The following FXN variants were observed in gnomAD, a reference collection of about 807,000 sequenced individuals.
FXN encodes the protein frataxin, mitochondrial.
Under a neutral mutation model 22.4 loss-of-function variants are expected in FXN, and 14 were observed. That is an observed-to-expected ratio of 0.62 (90% confidence interval 0.41 to 0.98). The LOEUF (loss-of-function observed/expected upper bound fraction) is 0.98. FXN is among the 50% of genes least tolerant of loss of function. The pLI, the probability that FXN is intolerant of heterozygous loss-of-function variation, is 0.00. For synonymous variants in FXN, 120 were observed against 114.1 expected (o/e 1.05, Z -0.33); for missense variants, 267 against 268.4 (o/e 0.99, Z 0.04).
At chr9:69,042,968 C>T (rs1387435237) in intron 1 of FXN, among the ~76,000 whole-genome samples, 6 of 152,164 alleles carry the variant, frequency 3.9e-5, no homozygotes, top group African/African-American at 9.7e-5. Flanking sequence ...CCCTTTGGTG[C>T]GTCAGTTTCC....
At chr9:69,053,965 G>C (rs1044600176) in intron 3 of FXN, among the ~76,000 whole-genome samples, 2 of 152,090 alleles carry the variant, frequency 1.3e-5, no homozygotes, top group Admixed American at 1.3e-4. Context: ...AGGGCACTGG[G>C]ATTTTTAAGC....
intron 4 of FXN, among the ~76,000 whole-genome samples, chr9:69,067,627 A>G (rs1450408654): frequency 6.6e-6 from 1 of 152,216 alleles, no homozygotes; most frequent in Non-Finnish European, 1.5e-5. Context: ...CAACAACAAC[A>G]ACAAAAACAT....
At position 69,074,821 on chromosome 9, in the gene FXN, T is replaced by C; in HGVS notation, c.*2059T>C. ...AATATTTTTTCTGAAATAAAATTATTTTTTGAGTCTGATGGAAATGTTTAA... is the reference window on the plus strand; with the variant it reads ...AATATTTTTTCTGAAATAAAATTATCTTTTGAGTCTGATGGAAATGTTTAA... On this transcript the variant is annotated 3_prime_UTR_variant, in exon 5 of 5. Coordinates refer to ENST00000484259, the MANE Select transcript of FXN (RefSeq NM_000144.5). 2 of 967,832 alleles carry C rather than the reference T, an allele frequency of 2.1e-6. No homozygotes were observed. Among genetic ancestry groups the C allele is most frequent in the Non-Finnish European group, 2.5e-6 (2 of 813,880 alleles). 60.0% of individuals were successfully genotyped at this position (967,832 alleles called of 1,614,324 possible).
chr9:69,060,813 A>G (rs1832057570), intron 3 of FXN, among the ~76,000 whole-genome samples: 1 of 152,236 alleles, frequency 6.6e-6, no homozygotes, highest in African/African-American at 2.4e-5. Context: ...TTGGTCATTC[A>G]TTCACAAATG....
chr9:69,045,302 C>G (rs1831729156), intron 1 of FXN, among the ~76,000 whole-genome samples: 1 of 152,010 alleles, frequency 6.6e-6, no homozygotes, highest in Non-Finnish European at 1.5e-5. Context: ...AAGAAATATT[C>G]CTAAAATACT....
Position 69,035,944 on chromosome 9 carries a change from C to T in FXN, c.162C>T (p.Arg54=), listed in dbSNP as rs370984034. The change falls in exon 1 of 5, where the codon CGC becomes CGT. Residue 54 remains arginine, a synonymous_variant. Transcript: ENST00000484259. ...TCGATGCGACCTGCACGCCCCGCCG[C>T]GCAGTAAGTATCCGCGCCGGGAACA... ...TDIDATCTPR[R]ASSNQRGLNQ... The T allele has an allele frequency of 5.5e-5, 81 of 1,467,090 alleles. 2 individuals are homozygous for T. The highest frequency in any genetic ancestry group is 4.6e-4 in the African/African-American group (31 of 68,098). The allele number at this position is 1,467,090 out of a possible 1,614,324, so 90.9% of individuals were successfully genotyped here. A position where few individuals can be genotyped will look rare whatever the true frequency, so the allele number is the denominator to read the frequency against.
Position 69,072,716 on chromosome 9 carries a change from C to T in FXN, c.587C>T (p.Thr196Ile). 3.1e-6 allele frequency: 5 copies of T among 1,614,226 alleles called. No individual in the cohort carries two copies. Among genetic ancestry groups the T allele is most frequent in the Non-Finnish European group, 4.2e-6 (5 of 1,180,048 alleles). ...LAAELTKALK[T>I]KLDLSSLAYS... ...GCAGAGCTCACTAAAGCCTTAAAAA[C>T]CAAACTGGACTTGTCTTCCTTGGCC... Residue 196 changes from threonine (T) to isoleucine (I), a missense_variant, in exon 5 of 5, where the codon ACC (threonine) becomes ATC (isoleucine). Physicochemically the swap from Thr to Ile is moderately conservative, Grantham distance 89. Transcript: ENST00000484259.
At position 69,078,245 on chromosome 9, in the gene FXN, G is replaced by T. The variant is rs1353722793; in HGVS notation, c.*5483G>T. The T allele has an allele frequency of 2.0e-6, 2 of 985,200 alleles. No homozygotes were observed. The highest frequency in any genetic ancestry group is 2.4e-6 in the Non-Finnish European group (2 of 829,852). The allele number at this position is 985,200 out of a possible 1,614,324, so 61.0% of individuals were successfully genotyped here. A position where few individuals can be genotyped will look rare whatever the true frequency, so the allele number is the denominator to read the frequency against. ...TTATAACTACAATGTGAAGTGAATG[G>T]TGCCACTGACAGTTATGCAAACCGT... On this transcript the variant is annotated 3_prime_UTR_variant, in exon 5 of 5. Coordinates refer to ENST00000484259, the MANE Select transcript of FXN (RefSeq NM_000144.5).
chr9:69,052,351 G>T (rs1831868932), intron 2 of FXN, among the ~76,000 whole-genome samples: 1 of 151,150 alleles, frequency 6.6e-6, no homozygotes, highest in African/African-American at 2.4e-5. Flanking sequence ...ACAGGGTTTT[G>T]CCATATTGGC....
At position 69,075,026 on chromosome 9, in the gene FXN, A is replaced by C. The variant is rs1832341411; in HGVS notation, c.*2264A>C. 1 of 985,434 alleles carries C rather than the reference A, an allele frequency of 1.0e-6. No homozygotes were observed. Among genetic ancestry groups the C allele is most frequent in the African/African-American group, 1.7e-5 (1 of 57,348 alleles). 61.0% of individuals were successfully genotyped at this position (985,434 alleles called of 1,614,324 possible). On this transcript the variant is annotated 3_prime_UTR_variant, in exon 5 of 5. Transcript: ENST00000484259. ...TATGCAGTGGGGCTGCTCTGACATG[A>C]AAGTGGAAGTTAAGGAATCTGGGCT...
rs1228483246 is a variant in FXN, at chr9:69,037,282, A to AG, written c.165+1335_165+1336insG. ...CTACTAAAAAATACAAAAAAAAAAA[A>AG]AAAAGAAGAAGAAGAAGAAGAAAAT... On this transcript the variant is annotated intron_variant, in intron 1 of 4. Coordinates refer to ENST00000484259, the MANE Select transcript of FXN (RefSeq NM_000144.5). Among the ~76,000 whole-genome samples the AG allele has an allele frequency of 1.0e-3, 71 of 70,268 alleles. 1 individual carries two copies. The highest frequency in any genetic ancestry group is 2.0e-3 in the Admixed American group (11 of 5,388). The allele number at this position is 70,268 out of a possible 152,430, so 46.1% of individuals were successfully genotyped here.
In FXN at chr9:69,069,201, TA is replaced by T. The variant is rs1355351355; in HGVS notation, c.483-3406del. ...CAACATAGTGAAACCCTGTCTCTACTAAAAATACAAAAAATTCGCCAGGCAT... is the reference window on the plus strand; with the variant it reads ...CAACATAGTGAAACCCTGTCTCTACTAAAATACAAAAAATTCGCCAGGCAT... On this transcript the variant is annotated intron_variant, in intron 4 of 4. Transcript: ENST00000484259. 7.9e-5 allele frequency among the ~76,000 whole-genome samples: 12 copies of T among 152,174 alleles called. 1 individual carries two copies. The East Asian group carries it at 9.6e-4, about 12-fold the overall frequency.
chr9:69,061,049 G>A (rs1452701581), intron 3 of FXN, among the ~76,000 whole-genome samples: 1 of 152,228 alleles, frequency 6.6e-6, no homozygotes, highest in East Asian at 1.9e-4. Context: ...GTTGACTGCA[G>A]AGAAGGTGCC....
rs1158641731 is a variant in FXN, at chr9:69,073,911, C to T, written c.*1149C>T. The T allele has an allele frequency of 7.1e-5, 70 of 982,844 alleles. No individual in the cohort carries two copies. The highest frequency in any genetic ancestry group is 1.9e-4 in the South Asian group (4 of 21,248). The allele number at this position is 982,844 out of a possible 1,614,324, so 60.9% of individuals were successfully genotyped here. On this transcript the variant is annotated 3_prime_UTR_variant, in exon 5 of 5. Coordinates refer to ENST00000484259, the MANE Select transcript of FXN (RefSeq NM_000144.5). ...AATAATAGCCATCCTTGGCCTGGCG[C>T]GGTGGCTCACACCTGTAATCCCAGC...
chr9:69,067,195 G>T (rs550983274), intron 4 of FXN, among the ~76,000 whole-genome samples: 1 of 152,358 alleles, frequency 6.6e-6, no homozygotes, highest in South Asian at 2.1e-4. Context: ...CAGCCGTCCC[G>T]CTCCGGGCCT....
At chr9:69,040,075 C>T (rs1831628831) in intron 1 of FXN, among the ~76,000 whole-genome samples, 2 of 152,196 alleles carry the variant, frequency 1.3e-5, no homozygotes, top group African/African-American at 2.4e-5. Flanking sequence ...GGCCCCACCT[C>T]TCAATACTGC....
rs118122148 is a variant in FXN at position 69,053,128 on chromosome 9, C to G, written c.264-12C>G. ...TGGTAATCATGTTTTGGGTTTTGTG[C>G]TTCCTCTGCAGCTCTCTAGATGAGA... is the stretch of plus-strand genomic sequence containing the variant. On this transcript the variant is annotated splice_polypyrimidine_tract_variant and intron_variant, in intron 2 of 4. Transcript: ENST00000484259. The G allele has an allele frequency of 2.4e-5, 39 of 1,613,108 alleles. No individual in the cohort carries two copies. Among genetic ancestry groups the G allele is most frequent in the Non-Finnish European group, 3.1e-5 (37 of 1,179,654 alleles).
chr9:69,036,055 C>G, intron 1 of FXN, 108 bp downstream of exon 1: 3 of 987,842 alleles, frequency 3.0e-6, no homozygotes, highest in African/African-American at 1.7e-5. Context: ...GGTACGCGCG[C>G]TGGACTAGCT....
chr9:69,047,071 T>C (rs1423982657), intron 2 of FXN, among the ~76,000 whole-genome samples: 1 of 152,092 alleles, frequency 6.6e-6, no homozygotes, highest in African/African-American at 2.4e-5. Flanking sequence ...GGCTGGGAAA[T>C]ATAGTCTAGC....
Sources: allele counts gnomAD v4.1 joint callset (sites outside exome capture counted in the v4.1 genomes callset), GRCh38; gene constraint gnomAD v4.1.1; transcripts MANE v1.5; gene names NCBI Gene and HGNC (gene_info 2026-07-23, HGNC 2026-07-21).